DLG2: variants seen among roughly 807,000 people sequenced by gnomAD.
DLG2 encodes disks large homolog 2.
In DLG2, 45 loss-of-function variants were observed where a neutral mutation model predicts 132.5. The ratio of observed to expected loss-of-function variants is 0.34; its 90% CI spans 0.27 to 0.44. DLG2 has a LOEUF of 0.44. Among genes scored for constraint, DLG2 ranks in the 20% least tolerant of loss-of-function variants. The probability of loss-of-function intolerance (pLI) is 1.00; values close to 1 mark genes in which losing one functional copy is unlikely to be tolerated. For missense variants in DLG2, 1,045 were observed against 1,196.9 expected (o/e 0.87, Z 1.87); for synonymous variants, 424 against 419.6 (o/e 1.01, Z -0.13).
intron 17 of DLG2, among the ~76,000 whole-genome samples, chr11:83,819,664 A>C (rs2050193896): frequency 6.6e-6 from 1 of 152,060 alleles, no homozygotes. Context: ...ATGTTCCTGG[A>C]ATATGTTTTA....
At position 85,244,785 on chromosome 11, in the gene DLG2, G is replaced by A. The variant is rs191322502; in HGVS notation, c.186+40435C>T. Among the ~76,000 whole-genome samples, 366 of 152,100 alleles carry A rather than the reference G, an allele frequency of 2.4e-3. 3 individuals are homozygous for A. The highest frequency in any genetic ancestry group is 8.4e-3 in the African/African-American group (348 of 41,552). ...TTTATGTAACAGCACTATCAAATAA[G>A]TGAGATGGTTCAATGATTTCTGTGA... On this transcript the variant is annotated intron_variant, in intron 4 of 27. Coordinates refer to ENST00000376104, the MANE Select transcript of DLG2 (RefSeq NM_001142699.3).
At chr11:84,551,248 T>C (rs539559025) in intron 6 of DLG2, among the ~76,000 whole-genome samples, 198 of 152,356 alleles carry the variant, frequency 1.3e-3, no homozygotes, top group Non-Finnish European at 2.4e-3. Flanking sequence ...GTGGTTTAAA[T>C]ATTCTCCAAA....
intron 7 of DLG2, among the ~76,000 whole-genome samples, chr11:84,394,623 A>T (rs527593652): frequency 5.9e-5 from 9 of 151,782 alleles, no homozygotes; most frequent in Non-Finnish European, 2.9e-5. Context: ...TTGCCTACTT[A>T]CTTTTTCTTT....
At chr11:84,985,900 G>A (rs1247382764) in intron 6 of DLG2, among the ~76,000 whole-genome samples, 1 of 142,680 alleles carries the variant, frequency 7.0e-6, no homozygotes, top group African/African-American at 2.6e-5. Context: ...GGTGGGGCAG[G>A]AGAATCACTT....
intron 6 of DLG2, among the ~76,000 whole-genome samples, chr11:84,887,672 A>C (rs1283594321): frequency 1.3e-5 from 2 of 152,152 alleles, no homozygotes; most frequent in East Asian, 1.9e-4. Context: ...ATACTTTATC[A>C]AGTACCACCT....
chr11:84,795,279 A>C (rs1396553463), intron 6 of DLG2, among the ~76,000 whole-genome samples: 1 of 151,818 alleles, frequency 6.6e-6, no homozygotes, highest in Non-Finnish European at 1.5e-5. Context: ...TGCAGAGAGG[A>C]GCTTCCCAAG....
At chr11:83,529,239 C>T (rs532107575) in intron 21 of DLG2, among the ~76,000 whole-genome samples, 1 of 152,242 alleles carries the variant, frequency 6.6e-6, no homozygotes, top group South Asian at 2.1e-4. Context: ...GAGGCCCCTG[C>T]ATCAATGACT....
chr11:84,153,235 A>G (rs1045710635), intron 9 of DLG2, among the ~76,000 whole-genome samples: 1 of 152,124 alleles, frequency 6.6e-6, no homozygotes, highest in Non-Finnish European at 1.5e-5. Context: ...TTTCCTTTGT[A>G]AGTGACCTGA....
chr11:83,728,832 C>T (rs940797221), intron 18 of DLG2, among the ~76,000 whole-genome samples: 2 of 152,256 alleles, frequency 1.3e-5, no homozygotes, highest in African/African-American at 4.8e-5. Flanking sequence ...CTTTAACTTA[C>T]AACTGAACAG....
At chr11:84,534,533 T>C (rs757710128) in intron 7 of DLG2, 37 bp downstream of exon 7, 1 of 1,600,868 alleles carries the variant, frequency 6.2e-7, no homozygotes, top group Admixed American at 1.7e-5. Flanking sequence ...CCAACTACTG[T>C]CACCAACTAT....
intron 21 of DLG2, among the ~76,000 whole-genome samples, chr11:83,522,939 T>C (rs2095520477): frequency 6.6e-6 from 1 of 152,176 alleles, no homozygotes. Context: ...AAAAACCTTT[T>C]TACCCACATA....
At chr11:84,928,606 T>C (rs543023059) in intron 6 of DLG2, among the ~76,000 whole-genome samples, 38 of 152,066 alleles carry the variant, frequency 2.5e-4, no homozygotes, top group Non-Finnish European at 4.7e-4. Flanking sequence ...CAGGGGTTTG[T>C]AGATCATCTA....
chr11:84,231,312 T>C (rs1597979318), intron 8 of DLG2, among the ~76,000 whole-genome samples: 1 of 152,202 alleles, frequency 6.6e-6, no homozygotes. Flanking sequence ...TTACAAGCCA[T>C]GGGTTGTCTA....
chr11:84,528,632 C>G (rs1281276600), intron 7 of DLG2, among the ~76,000 whole-genome samples: 1 of 152,200 alleles, frequency 6.6e-6, no homozygotes, highest in Non-Finnish European at 1.5e-5. Context: ...GGGGAAGCAT[C>G]TGATTATGTG....
chr11:84,770,643 CTTT>C (rs34470318), intron 6 of DLG2, among the ~76,000 whole-genome samples: 7 of 140,344 alleles, frequency 5.0e-5, no homozygotes, highest in Non-Finnish European at 3.1e-5. Flanking sequence ...TGATTTCATT[CTTT>C]TTTTTTTTTT....
intron 7 of DLG2, among the ~76,000 whole-genome samples, chr11:84,519,091 T>C (rs2099284515): frequency 6.6e-6 from 1 of 152,198 alleles, no homozygotes; most frequent in South Asian, 2.1e-4. Context: ...GAAAGTGAAA[T>C]GTTATGAGTT....
chr11:84,342,983 A>G (rs1284855540), intron 7 of DLG2, among the ~76,000 whole-genome samples: 1 of 152,200 alleles, frequency 6.6e-6, no homozygotes, highest in Non-Finnish European at 1.5e-5. Context: ...GGATGACACA[A>G]TGCCCTGCCC....
intron 6 of DLG2, among the ~76,000 whole-genome samples, chr11:84,619,557 A>G (rs902658789): frequency 1.3e-5 from 2 of 151,568 alleles, no homozygotes; most frequent in African/African-American, 2.4e-5. Context: ...AAATGACAAC[A>G]CTAGGGATAC....
intron 6 of DLG2, among the ~76,000 whole-genome samples, chr11:84,980,581 A>G (rs763896110): frequency 4.6e-5 from 7 of 152,268 alleles, no homozygotes; most frequent in Non-Finnish European, 1.0e-4. Flanking sequence ...GAACCCAATA[A>G]GAAACCCCAA....
Sources: allele counts gnomAD v4.1 joint callset (sites outside exome capture counted in the v4.1 genomes callset), GRCh38; gene constraint gnomAD v4.1.1; transcripts MANE v1.5; gene names NCBI Gene and HGNC (gene_info 2026-07-23, HGNC 2026-07-21).